The following ZNF804B variants were observed in gnomAD, a reference collection of about 807,000 sequenced individuals.
The protein encoded by ZNF804B is zinc finger protein 804B.
ZNF804B carries 80 observed loss-of-function variants against 101.4 expected under a neutral mutation model. The ratio of observed to expected loss-of-function variants is 0.79; its 90% CI spans 0.66 to 0.95. The LOEUF is 0.95. Ranked by LOEUF, ZNF804B falls within the 40% of genes least tolerant of loss-of-function variation. The pLI is 0.00. For missense variants in ZNF804B, 1,673 were observed against 1,561.9 expected (o/e 1.07, Z -1.20); for synonymous variants, 622 against 558.8 (o/e 1.11, Z -1.59).
intron 1 of ZNF804B, among the ~76,000 whole-genome samples, chr7:89,156,594 G>A (rs562098185): frequency 1.3e-5 from 2 of 152,042 alleles, no homozygotes; most frequent in African/African-American, 4.8e-5. Flanking sequence ...GAAAATGCCA[G>A]GAACATAGCA....
chr7:88,955,833 A>G (rs528571435), intron 1 of ZNF804B, among the ~76,000 whole-genome samples: 1 of 151,908 alleles, frequency 6.6e-6, no homozygotes, highest in South Asian at 2.1e-4. Context: ...ATGGGAGAAA[A>G]TATTCGCAAA....
At chr7:88,798,876 GA>G (rs1370128305) in intron 1 of ZNF804B, among the ~76,000 whole-genome samples, 1 of 152,052 alleles carries the variant, frequency 6.6e-6, no homozygotes, top group East Asian at 1.9e-4. Flanking sequence ...TGACTCAAGA[GA>G]ACTCTTCTAT....
At chr7:88,936,112 T>TA (rs201891277) in intron 1 of ZNF804B, among the ~76,000 whole-genome samples, 181 of 141,662 alleles carry the variant, frequency 1.3e-3, no homozygotes, top group Middle Eastern at 3.7e-3. Flanking sequence ...TTTTTTTTTT[T>TA]AAAAAAAATA....
At chr7:89,154,000 G>C (rs1232082348) in intron 1 of ZNF804B, among the ~76,000 whole-genome samples, 2 of 151,784 alleles carry the variant, frequency 1.3e-5, no homozygotes, top group Non-Finnish European at 2.9e-5. Context: ...AAATTATTCT[G>C]TTCAGAATAT....
intron 1 of ZNF804B, among the ~76,000 whole-genome samples, chr7:89,045,350 C>A (rs1300551504): frequency 6.6e-6 from 1 of 152,192 alleles, no homozygotes; most frequent in African/African-American, 2.4e-5. Context: ...GGGGTTAGAT[C>A]CCACACAGGG....
At chr7:89,269,617 T>TG (rs1789852546) in intron 2 of ZNF804B, among the ~76,000 whole-genome samples, 1 of 152,174 alleles carries the variant, frequency 6.6e-6, no homozygotes, top group South Asian at 2.1e-4. Context: ...TTTCTAGTTC[T>TG]AGGTCCATGA....
chr7:88,898,872 A>T lies in ZNF804B; in HGVS notation c.108+138788A>T, dbSNP rs1266181100. Among the ~76,000 whole-genome samples, 3 of 152,248 alleles carry T rather than the reference A, an allele frequency of 2.0e-5. No individual in the cohort carries two copies. The South Asian group carries it at 6.2e-4, about 32-fold the overall frequency. ...TTCAGGGTGATAGCTTCACTGGTTC[A>T]CATCATCATGCTCAGCCATTGTTTC... On this transcript the variant is annotated intron_variant, in intron 1 of 3. Transcript: ENST00000333190.
chr7:89,307,107 G>T (rs942818040), intron 2 of ZNF804B, among the ~76,000 whole-genome samples: 17 of 151,912 alleles, frequency 1.1e-4, no homozygotes, highest in African/African-American at 3.6e-4. Context: ...TTTAATGAGA[G>T]AAAAACATGA....
Position 88,917,392 on chromosome 7 carries a change from A to G in ZNF804B, c.108+157308A>G, listed in dbSNP as rs1792651654. On this transcript the variant is annotated intron_variant, in intron 1 of 3. Transcript: ENST00000333190. Reference sequence around the variant, plus strand: ...ATTTTTGTCAAGGCTGCAGTTGTACATGTTGAAACTAATGAAGAATATGGT... The same window carrying G: ...ATTTTTGTCAAGGCTGCAGTTGTACGTGTTGAAACTAATGAAGAATATGGT... Among the ~76,000 whole-genome samples, 3 of 152,356 alleles carry G rather than the reference A, an allele frequency of 2.0e-5. No individual in the cohort carries two copies. The South Asian group carries it at 6.2e-4, about 32-fold the overall frequency.
In ZNF804B at chr7:89,043,246, C is replaced by T. The variant is rs548269365; in HGVS notation, c.109-174909C>T. Among the ~76,000 whole-genome samples, 3 of 152,214 alleles carry T rather than the reference C, an allele frequency of 2.0e-5. No individual in the cohort carries two copies. The South Asian group carries it at 6.2e-4, about 32-fold the overall frequency. ...AACAAGGAAAAATGGAATTTCTTGC[C>T]ATAAGATGAGGGTCAGTTTGAAGAT... On this transcript the variant is annotated intron_variant, in intron 1 of 3. Coordinates refer to ENST00000333190, the MANE Select transcript of ZNF804B (RefSeq NM_181646.5).
At chr7:89,021,817 C>T (rs1366069612) in intron 1 of ZNF804B, among the ~76,000 whole-genome samples, 1 of 152,160 alleles carries the variant, frequency 6.6e-6, no homozygotes, top group Admixed American at 6.6e-5. Context: ...GCATAGTGCT[C>T]TCTAGAAGTA....
At chr7:89,247,307 C>T (rs1015086694) in intron 2 of ZNF804B, among the ~76,000 whole-genome samples, 1 of 152,186 alleles carries the variant, frequency 6.6e-6, no homozygotes, top group Non-Finnish European at 1.5e-5. Flanking sequence ...GGCCATTGTG[C>T]ACTCCACAAA....
chr7:89,236,118 C>T lies in ZNF804B; in HGVS notation c.249+17823C>T, dbSNP rs545048427. On this transcript the variant is annotated intron_variant, in intron 2 of 3. Coordinates refer to ENST00000333190, the MANE Select transcript of ZNF804B (RefSeq NM_181646.5). ...CAGGTAAATTTTTATCATTACTTGG[C>T]CTCCATATTTGATTAAATTCAATCA... Among the ~76,000 whole-genome samples, 20 of 152,098 alleles carry T rather than the reference C, an allele frequency of 1.3e-4. No individual in the cohort carries two copies. In the East Asian group the frequency reaches 3.7e-3, roughly 28 times the overall value.
chr7:89,321,024 T>C (rs970100701), intron 2 of ZNF804B, among the ~76,000 whole-genome samples: 14 of 152,190 alleles, frequency 9.2e-5, no homozygotes, highest in African/African-American at 3.4e-4. Flanking sequence ...TAACATATGA[T>C]TTTTGAATGC....
intron 1 of ZNF804B, among the ~76,000 whole-genome samples, chr7:88,986,372 T>C (rs1793759950): frequency 6.6e-6 from 1 of 152,124 alleles, no homozygotes; most frequent in Non-Finnish European, 1.5e-5. Context: ...ATTTCCCTGC[T>C]TTTGCTGTTT....
intron 1 of ZNF804B, among the ~76,000 whole-genome samples, chr7:88,855,041 T>C (rs1486490446): frequency 6.6e-6 from 1 of 152,108 alleles, no homozygotes; most frequent in Admixed American, 6.5e-5. Context: ...TCTTTGCTAT[T>C]GTGAATAGTG....
chr7:88,900,921 A>G (rs941269433), intron 1 of ZNF804B, among the ~76,000 whole-genome samples: 1 of 151,762 alleles, frequency 6.6e-6, no homozygotes, highest in Non-Finnish European at 1.5e-5. Context: ...TATATTTAAA[A>G]TAGCCGTAGT....
intron 1 of ZNF804B, among the ~76,000 whole-genome samples, chr7:88,968,972 T>A (rs1639045630): frequency 6.6e-6 from 1 of 151,580 alleles, no homozygotes; most frequent in Admixed American, 6.6e-5. Flanking sequence ...ACTGTTTATA[T>A]TAACTCTTTA....
At chr7:88,847,379 C>G (rs886332956) in intron 1 of ZNF804B, among the ~76,000 whole-genome samples, 3 of 151,886 alleles carry the variant, frequency 2.0e-5, no homozygotes, top group Non-Finnish European at 4.4e-5. Context: ...ATAAGAGGAT[C>G]CGTTTTTTAA....
Sources: allele counts gnomAD v4.1 joint callset (sites outside exome capture counted in the v4.1 genomes callset), GRCh38; gene constraint gnomAD v4.1.1; transcripts MANE v1.5; gene names NCBI Gene and HGNC (gene_info 2026-07-23, HGNC 2026-07-21).